Variants in GULP1 observed in about 807,000 individuals in gnomAD.
GULP1 encodes the protein GULP PTB domain containing engulfment adaptor 1.
A neutral mutation model predicts 40.9 loss-of-function variants in GULP1; 19 were observed. The ratio of observed to expected loss-of-function variants is 0.46; its 90% CI spans 0.32 to 0.68. The LOEUF is 0.68. Ranked by LOEUF, GULP1 falls within the 30% of genes least tolerant of loss-of-function variation. The pLI, the probability that GULP1 is intolerant of heterozygous loss-of-function variation, is 0.03. For missense variants in GULP1, 312 were observed against 362.2 expected, an observed-to-expected ratio of 0.86 and a Z score of 1.12; for synonymous variants, 119 against 117.6, an observed-to-expected ratio of 1.01 and a Z score of -0.08.
At chr2:188,464,555 G>T (rs181570726) in intron 2 of GULP1, among the ~76,000 whole-genome samples, 69 of 152,278 alleles carry the variant, frequency 4.5e-4, no homozygotes, top group Non-Finnish European at 4.4e-4. Flanking sequence ...CAATCAGCAG[G>T]TAGCAATGCC....
At chr2:188,503,925 A>G (rs544878707) in intron 4 of GULP1, among the ~76,000 whole-genome samples, 2 of 152,078 alleles carry the variant, frequency 1.3e-5, no homozygotes, top group South Asian at 4.1e-4. Flanking sequence ...ACCTACCTGT[A>G]TCCTAACTCT....
chr2:188,578,755 A>G (rs1163308985), intron 9 of GULP1, among the ~76,000 whole-genome samples: 3 of 152,106 alleles, frequency 2.0e-5, no homozygotes, highest in Admixed American at 2.0e-4. Context: ...TTGCTTGAAC[A>G]GTGGTGCCAT....
chr2:188,490,505 G>C (rs1319716082), intron 4 of GULP1, among the ~76,000 whole-genome samples: 1 of 152,092 alleles, frequency 6.6e-6, no homozygotes, highest in African/African-American at 2.4e-5. Flanking sequence ...GTAGGCAGGG[G>C]TTTGGCAGAG....
chr2:188,489,407 A>G (rs943228271), intron 4 of GULP1, among the ~76,000 whole-genome samples: 7 of 152,188 alleles, frequency 4.6e-5, no homozygotes, highest in African/African-American at 1.2e-4. Flanking sequence ...GATAATCCAT[A>G]TCATTTATCC....
chr2:188,307,656 G>C (rs1305916287), intron 1 of GULP1, among the ~76,000 whole-genome samples: 5 of 152,136 alleles, frequency 3.3e-5, no homozygotes, highest in Non-Finnish European at 5.9e-5. Context: ...AAAAAGGCTA[G>C]TTTCCCTGGC....
chr2:188,296,188 C>T lies in GULP1; in HGVS notation c.-172+4022C>T, dbSNP rs77710454. On this transcript the variant is annotated intron_variant, in intron 1 of 11. Transcript: ENST00000409830. ...AAACTTAAGCTTTTTCCCATAAGAG[C>T]ATAAAATATACTCAGATTGGAAGAG... Among the ~76,000 whole-genome samples the T allele has an allele frequency of 2.8e-3, 422 of 152,012 alleles. 7 individuals are homozygous for T. The highest frequency in any genetic ancestry group is 2.3e-3 in the Non-Finnish European group (159 of 67,900).
At chr2:188,294,315 T>C (rs1211845480) in intron 1 of GULP1, 3 of 152,246 alleles carry the variant, frequency 2.0e-5, no homozygotes, top group African/African-American at 7.2e-5. Context: ...AGTAGAAACG[T>C]ATCCGGCATG....
At chr2:188,293,205 T>C (rs942432197) in intron 1 of GULP1, 2 of 152,240 alleles carry the variant, frequency 1.3e-5, no homozygotes, top group African/African-American at 4.8e-5. Flanking sequence ...GCAGTCAAGG[T>C]ACCCCTCCCT....
chr2:188,494,428 T>C (rs1251384579), intron 4 of GULP1, among the ~76,000 whole-genome samples: 3 of 152,030 alleles, frequency 2.0e-5, no homozygotes, highest in Admixed American at 2.0e-4. Context: ...AAAAATCTTA[T>C]AGTAATATAT....
At chr2:188,310,183 G>T (rs10193506) in intron 1 of GULP1, among the ~76,000 whole-genome samples, 91,085 of 152,018 alleles carry the variant, frequency 0.6, 27,850 homozygotes, top group East Asian at 0.9. Flanking sequence ...ACCATTCAAG[G>T]TTTTTAAACA....
intron 7 of GULP1, among the ~76,000 whole-genome samples, chr2:188,549,848 G>T (rs1358430837): frequency 6.6e-6 from 1 of 151,726 alleles, no homozygotes; most frequent in Admixed American, 6.6e-5. Flanking sequence ...TCAAAAGCCT[G>T]TGTACTCTAT....
intron 1 of GULP1, among the ~76,000 whole-genome samples, chr2:188,340,119 C>T (rs533331269): frequency 4.6e-5 from 7 of 152,160 alleles, no homozygotes; most frequent in Middle Eastern, 3.4e-3. Flanking sequence ...TGGTCACTTA[C>T]GAAATGATGA....
chr2:188,441,444 C>T (rs1302770060), intron 2 of GULP1, among the ~76,000 whole-genome samples: 5 of 152,144 alleles, frequency 3.3e-5, no homozygotes, highest in Admixed American at 1.3e-4. Context: ...CTGAGCTTTG[C>T]CCTCCTCTAA....
chr2:188,340,239 A>G (rs548179853), intron 1 of GULP1, among the ~76,000 whole-genome samples: 36 of 152,310 alleles, frequency 2.4e-4, no homozygotes, highest in South Asian at 4.1e-4. Flanking sequence ...TCATATTGCT[A>G]TAAAGAAATA....
intron 1 of GULP1, among the ~76,000 whole-genome samples, chr2:188,319,663 T>A (rs532691668): frequency 6.6e-6 from 1 of 152,106 alleles, no homozygotes; most frequent in Admixed American, 6.6e-5. Context: ...ATAGCAACCC[T>A]TTTTCTTTTA....
At chr2:188,331,002 A>G (rs2041496466) in intron 1 of GULP1, among the ~76,000 whole-genome samples, 1 of 152,206 alleles carries the variant, frequency 6.6e-6, no homozygotes, top group South Asian at 2.1e-4. Flanking sequence ...TAGGAAAAAA[A>G]AGTTTCAATT....
chr2:188,543,981 A>G (rs1045068806), intron 7 of GULP1, among the ~76,000 whole-genome samples: 43 of 152,096 alleles, frequency 2.8e-4, no homozygotes, highest in Non-Finnish European at 5.7e-4. Context: ...TCCTTCTTCC[A>G]TGGTGACAGT....
intron 1 of GULP1, among the ~76,000 whole-genome samples, chr2:188,367,795 A>G (rs142992392): frequency 5.6e-4 from 86 of 152,244 alleles, no homozygotes; most frequent in African/African-American, 1.9e-3. Context: ...CTGTCCTGCA[A>G]CCTGTCAGAA....
At chr2:188,473,021 G>A (rs1382226463) in intron 2 of GULP1, among the ~76,000 whole-genome samples, 2 of 151,840 alleles carry the variant, frequency 1.3e-5, no homozygotes, top group Admixed American at 6.6e-5. Flanking sequence ...TAATGCTGTG[G>A]TTCTTAGAGA....
Sources: gnomAD v4.1 joint callset for allele counts (sites outside exome capture counted in the v4.1 genomes callset) on GRCh38, gnomAD v4.1.1 for gene constraint, MANE v1.5 for transcripts, NCBI Gene and HGNC (gene_info 2026-07-23, HGNC 2026-07-21) for gene names.